HSPA6: variants seen among roughly 807,000 people sequenced by gnomAD.
HSPA6 encodes the protein heat shock 70 kDa protein 6.
For missense variants in HSPA6, 718 were observed against 860.9 expected (o/e 0.83, Z 2.08); for synonymous variants, 312 against 368.2 (o/e 0.85, Z 1.75).
At position 161,525,922 on chromosome 1, in the gene HSPA6, A is replaced by G. The variant is rs369670009; in HGVS notation, c.1264A>G (p.Ile422Val). Reference protein sequence around the residue: ...MTTLIQRNATIPTKQTQTFTT... With the variant: ...MTTLIQRNATVPTKQTQTFTT... ...CACGCTGATCCAGAGGAACGCCACT[A>G]TCCCCACCAAGCAGACCCAGACTTT... Residue 422 changes from isoleucine (I) to valine (V), a missense_variant, in exon 1 of 1, where the codon ATC (isoleucine) becomes GTC (valine). Physicochemically the swap from Ile to Val is conservative, Grantham distance 29. Transcript: ENST00000309758. 8 of 1,607,732 alleles carry G rather than the reference A, an allele frequency of 5.0e-6. No individual in the cohort carries two copies. Among genetic ancestry groups the G allele is most frequent in the Non-Finnish European group, 6.8e-6 (8 of 1,176,608 alleles).
chr1:161,526,544 G>A lies in HSPA6; in HGVS notation c.1886G>A (p.Arg629His), dbSNP rs52798304. The A allele has an allele frequency of 3.0e-5, 47 of 1,589,602 alleles. No homozygotes were observed. Among genetic ancestry groups the A allele is most frequent in the Middle Eastern group, 1.9e-4 (1 of 5,200 alleles). ...GGCAGCAGTTGTGGCACTCAAGCCC[G>A]CCAGGGGGACCCCAGCACCGGCCCC... ...PGGSSCGTQARQGDPSTGPII... is the reference protein window; with the variant it reads ...PGGSSCGTQAHQGDPSTGPII... Residue 629 changes from arginine to histidine, a missense_variant, in exon 1 of 1, where the codon CGC (arginine) becomes CAC (histidine). Physicochemically the swap from Arg to His is conservative, Grantham distance 29. Coordinates refer to ENST00000309758, the MANE Select transcript of HSPA6 (RefSeq NM_002155.5).
rs1269471726 is a variant in HSPA6, at chr1:161,525,696, C to G, written c.1038C>G (p.Pro346=). ...VVLVGGSTRI[P]KVQKLLQDFF... Reference sequence around the variant, plus strand: ...TGGTGGGGGGCTCCACACGCATCCCCAAGGTGCAGAAGTTGCTGCAGGACT... The same window carrying G: ...TGGTGGGGGGCTCCACACGCATCCCGAAGGTGCAGAAGTTGCTGCAGGACT... Residue 346 remains proline, a synonymous_variant, in exon 1 of 1, where the codon CCC becomes CCG. Coordinates refer to ENST00000309758, the MANE Select transcript of HSPA6 (RefSeq NM_002155.5). The G allele has an allele frequency of 8.1e-6, 13 of 1,613,614 alleles. No individual in the cohort carries two copies. The highest frequency in any genetic ancestry group is 1.1e-5 in the Non-Finnish European group (13 of 1,179,790).
At position 161,524,844 on chromosome 1, in the gene HSPA6, C is replaced by G. The variant is rs781596208; in HGVS notation, c.186C>G (p.Ala62=). Residue 62 remains alanine, a synonymous_variant, in exon 1 of 1, where the codon GCC becomes GCG. Transcript: ENST00000309758. ...LVGDAAKSQA[A]LNPHNTVFDA... ...GGGACGCGGCCAAGAGCCAGGCGGC[C>G]CTGAACCCCCACAACACCGTGTTCG... 14 of 1,610,510 alleles carry G rather than the reference C, an allele frequency of 8.7e-6. No homozygotes were observed. In the Admixed American group the frequency reaches 1.3e-4, roughly 15 times the overall value.
rs746621539 is a variant in HSPA6 at position 161,526,576 on chromosome 1, G to A, written c.1918G>A (p.Glu640Lys). The A allele has an allele frequency of 6.5e-7, 1 of 1,538,204 alleles. No individual in the cohort carries two copies. The highest frequency in any genetic ancestry group is 2.3e-5 in the East Asian group (1 of 44,228). The change falls in exon 1 of 1, where the codon GAG (glutamate) becomes AAG (lysine). Residue 640 changes from glutamate to lysine, a missense_variant. By Grantham distance (56) the Glu-to-Lys change is moderately conservative (BLOSUM62 1). Transcript: ENST00000309758. ...QGDPSTGPII[E>K]EVD Reference sequence around the variant, plus strand: ...GGACCCCAGCACCGGCCCCATCATTGAGGAGGTTGATTGAATGGCCCTTCG... The same window carrying A: ...GGACCCCAGCACCGGCCCCATCATTAAGGAGGTTGATTGAATGGCCCTTCG...
rs1368362011 is a variant in HSPA6 at position 161,525,515 on chromosome 1, T to C, written c.857T>C (p.Ile286Thr). 6.2e-7 allele frequency: 1 copy of C among 1,613,576 alleles called. No homozygotes were observed. Among genetic ancestry groups the C allele is most frequent in the Non-Finnish European group, 8.5e-7 (1 of 1,179,734 alleles). ...LSSSTQATLE[I>T]DSLFEGVDFY... ...TCCAGCACCCAGGCCACCCTGGAGATAGACTCCCTGTTCGAGGGCGTGGAC... is the reference window on the plus strand; with the variant it reads ...TCCAGCACCCAGGCCACCCTGGAGACAGACTCCCTGTTCGAGGGCGTGGAC... Residue 286 changes from isoleucine (I) to threonine (T), a missense_variant, in exon 1 of 1, where the codon ATA becomes ACA. Ile to Thr is a moderately conservative substitution (Grantham distance 89). Transcript: ENST00000309758.
chr1:161,524,984 A>G lies in HSPA6; in HGVS notation c.326A>G (p.Tyr109Cys), dbSNP rs1406989100. ...GGCAAGCCCAAGGTGCGCGTATGCT[A>G]CCGCGGGGAGGACAAGACGTTCTAC... ...EGGKPKVRVC[Y>C]RGEDKTFYPE... The change falls in exon 1 of 1, where the codon TAC becomes TGC. Residue 109 changes from tyrosine (Y) to cysteine (C), a missense_variant. Coordinates refer to ENST00000309758, the MANE Select transcript of HSPA6 (RefSeq NM_002155.5). 1.9e-6 allele frequency: 3 copies of G among 1,613,242 alleles called. No homozygotes were observed. The highest frequency in any genetic ancestry group is 2.5e-6 in the Non-Finnish European group (3 of 1,179,906).
chr1:161,526,113 T>C lies in HSPA6; in HGVS notation c.1455T>C (p.Asn485=). 2.5e-6 allele frequency: 4 copies of C among 1,613,796 alleles called. No homozygotes were observed. Among genetic ancestry groups the C allele is most frequent in the Non-Finnish European group, 3.4e-6 (4 of 1,179,860 alleles). ...AGGTGACTTTTGACATTGATGCTAA[T>C]GGCATCCTGAGCGTGACAGCCACTG... The part of the protein sequence containing the change: ...QIEVTFDIDA[N]GILSVTATDR... The change falls in exon 1 of 1, where the codon AAT becomes AAC. Residue 485 remains asparagine (N), a synonymous_variant. Transcript: ENST00000309758.
rs1165061458 is a variant in HSPA6, at chr1:161,525,352, G to A, written c.694G>A (p.Gly232Arg). ...CACTGCTGGAGATACCCACCTGGGAGGAGAGGACTTCGACAACCGGCTCGT... is the reference window on the plus strand; with the variant it reads ...CACTGCTGGAGATACCCACCTGGGAAGAGAGGACTTCGACAACCGGCTCGT... Reference protein sequence around the residue: ...KATAGDTHLGGEDFDNRLVNH... With the variant: ...KATAGDTHLGREDFDNRLVNH... Residue 232 changes from glycine to arginine, a missense_variant, in exon 1 of 1, where the codon GGA (glycine) becomes AGA (arginine). By Grantham distance (125) the Gly-to-Arg change is moderately radical. Transcript: ENST00000309758. The A allele has an allele frequency of 1.6e-5, 26 of 1,613,544 alleles. No homozygotes were observed. Among genetic ancestry groups the A allele is most frequent in the Non-Finnish European group, 2.2e-5 (26 of 1,179,790 alleles).
Position 161,524,997 on chromosome 1 carries a change from C to G in HSPA6, c.339C>G (p.Asp113Glu), listed in dbSNP as rs1676633714. The change falls in exon 1 of 1, where the codon GAC becomes GAG. Residue 113 changes from aspartate (D) to glutamate (E), a missense_variant. Physicochemically the swap from Asp to Glu is conservative, Grantham distance 45. Transcript: ENST00000309758. ...PKVRVCYRGEDKTFYPEEISS... is the reference protein window; with the variant it reads ...PKVRVCYRGEEKTFYPEEISS... The stretch of plus-strand genomic sequence containing the variant: ...TGCGCGTATGCTACCGCGGGGAGGA[C>G]AAGACGTTCTACCCCGAGGAGATCT... 6.2e-7 allele frequency: 1 copy of G among 1,613,236 alleles called. No homozygotes were observed. The highest frequency in any genetic ancestry group is 2.2e-5 in the East Asian group (1 of 44,846).
chr1:161,524,809 C>A lies in HSPA6; in HGVS notation c.151C>A (p.Arg51=), dbSNP rs1287894236. 13 of 1,596,720 alleles carry A rather than the reference C, an allele frequency of 8.1e-6. No homozygotes were observed. Among genetic ancestry groups the A allele is most frequent in the African/African-American group, 1.3e-5 (1 of 74,316 alleles). Reference sequence around the variant, plus strand: ...CTACGTGGCCTTCACCGACACCGAGCGGCTGGTCGGGGACGCGGCCAAGAG... The same window carrying A: ...CTACGTGGCCTTCACCGACACCGAGAGGCTGGTCGGGGACGCGGCCAAGAG... ...PSYVAFTDTE[R]LVGDAAKSQA... Residue 51 remains arginine, a synonymous_variant, in exon 1 of 1, where the codon CGG becomes AGG. Coordinates refer to ENST00000309758, the MANE Select transcript of HSPA6 (RefSeq NM_002155.5).
In HSPA6 at chr1:161,526,424, C is replaced by T. The variant is rs1048586271; in HGVS notation, c.1766C>T (p.Ala589Val). Residue 589 changes from alanine to valine, a missense_variant, in exon 1 of 1, where the codon GCA becomes GTA. Coordinates refer to ENST00000309758, the MANE Select transcript of HSPA6 (RefSeq NM_002155.5). ...VLAWLEHNQL[A>V]EKEEYEHQKR... is the part of the protein sequence containing the mutation. ...GCCTGGCTGGAGCACAACCAGCTGG[C>T]AGAGAAGGAGGAGTATGAGCATCAG... 1.9e-6 allele frequency: 3 copies of T among 1,588,186 alleles called. No homozygotes were observed. The African/African-American group carries it at 4.0e-5, about 21-fold the overall frequency.
Position 161,526,800 on chromosome 1 carries a change from G to A in HSPA6, c.*210G>A, listed in dbSNP as rs1676716368. 4 of 470,478 alleles carry A rather than the reference G, an allele frequency of 8.5e-6. No homozygotes were observed. Among genetic ancestry groups the A allele is most frequent in the Non-Finnish European group, 1.5e-5 (4 of 259,682 alleles). The allele number at this position is 470,478 out of a possible 1,614,324, so 29.1% of individuals were successfully genotyped here. ...AAAAGTCATTAATTTATTAAAACTTGTGTGGCACTTTAACATTGCTTTCAC... is the reference window on the plus strand; with the variant it reads ...AAAAGTCATTAATTTATTAAAACTTATGTGGCACTTTAACATTGCTTTCAC... On this transcript the variant is annotated 3_prime_UTR_variant, in exon 1 of 1. Transcript: ENST00000309758.
chr1:161,526,653 C>T lies in HSPA6; in HGVS notation c.*63C>T. On this transcript the variant is annotated 3_prime_UTR_variant, in exon 1 of 1. Transcript: ENST00000309758. The stretch of plus-strand genomic sequence containing the variant: ...CTATGCTATGGGCCTTCTAGACTGT[C>T]TTCTATGATCCTGCCCTTCAGAGAT... 2.1e-6 allele frequency: 3 copies of T among 1,401,404 alleles called. No individual in the cohort carries two copies. The highest frequency in any genetic ancestry group is 2.9e-6 in the Non-Finnish European group (3 of 1,042,206). 86.8% of individuals were successfully genotyped at this position (1,401,404 alleles called of 1,614,324 possible). A position where few individuals can be genotyped will look rare whatever the true frequency, so the allele number is the denominator to read the frequency against.
In HSPA6 at chr1:161,525,389, T is replaced by C; in HGVS notation, c.731T>C (p.Met244Thr). The C allele has an allele frequency of 6.2e-7, 1 of 1,611,744 alleles. No individual in the cohort carries two copies. Among genetic ancestry groups the C allele is most frequent in the East Asian group, 2.2e-5 (1 of 44,786 alleles). ...DFDNRLVNHF[M>T]EEFRRKHGKD... Reference sequence around the variant, plus strand: ...GACAACCGGCTCGTGAACCACTTCATGGAAGAATTCCGGCGGAAGCATGGG... The same window carrying C: ...GACAACCGGCTCGTGAACCACTTCACGGAAGAATTCCGGCGGAAGCATGGG... Residue 244 changes from methionine (M) to threonine (T), a missense_variant, in exon 1 of 1, where the codon ATG becomes ACG. Coordinates refer to ENST00000309758, the MANE Select transcript of HSPA6 (RefSeq NM_002155.5).
chr1:161,526,557 C>A lies in HSPA6; in HGVS notation c.1899C>A (p.Pro633=). The A allele has an allele frequency of 6.4e-7, 1 of 1,564,160 alleles. No homozygotes were observed. The highest frequency in any genetic ancestry group is 8.7e-7 in the Non-Finnish European group (1 of 1,154,848). ...SCGTQARQGD[P]STGPIIEEVD ...GCACTCAAGCCCGCCAGGGGGACCCCAGCACCGGCCCCATCATTGAGGAGG... is the reference window on the plus strand; with the variant it reads ...GCACTCAAGCCCGCCAGGGGGACCCAAGCACCGGCCCCATCATTGAGGAGG... The change falls in exon 1 of 1, where the codon CCC becomes CCA. Residue 633 remains proline, a synonymous_variant. Transcript: ENST00000309758.
Position 161,525,291 on chromosome 1 carries a change from T to A in HSPA6, c.633T>A (p.Val211=), listed in dbSNP as rs758093766. The stretch of plus-strand genomic sequence containing the variant: ...GTGGGGGCACCTTCGATGTGTCGGT[T>A]CTCTCCATTGACGCTGGTGTCTTTG... The part of the protein sequence containing the change: ...DLGGGTFDVS[V]LSIDAGVFEV... Residue 211 remains valine, a synonymous_variant, in exon 1 of 1, where the codon GTT becomes GTA. Coordinates refer to ENST00000309758, the MANE Select transcript of HSPA6 (RefSeq NM_002155.5). The A allele has an allele frequency of 1.9e-6, 3 of 1,613,932 alleles. No homozygotes were observed.
In HSPA6 at chr1:161,525,707, A is replaced by G. The variant is rs144853604; in HGVS notation, c.1049A>G (p.Lys350Arg). The change falls in exon 1 of 1, where the codon AAG becomes AGG. Residue 350 changes from lysine (K) to arginine (R), a missense_variant. Coordinates refer to ENST00000309758, the MANE Select transcript of HSPA6 (RefSeq NM_002155.5). ...TCCACACGCATCCCCAAGGTGCAGA[A>G]GTTGCTGCAGGACTTCTTCAACGGC... Reference protein sequence around the residue: ...GGSTRIPKVQKLLQDFFNGKE... With the variant: ...GGSTRIPKVQRLLQDFFNGKE... The G allele has an allele frequency of 5.9e-4, 950 of 1,613,346 alleles. 3 individuals are homozygous for G. Among genetic ancestry groups the G allele is most frequent in the Non-Finnish European group, 7.4e-4 (871 of 1,179,644 alleles).
rs200985857 is a variant in HSPA6 at position 161,525,730 on chromosome 1, G to A, written c.1072G>A (p.Gly358Ser). ...GAAGTTGCTGCAGGACTTCTTCAAC[G>A]GCAAGGAGCTGAACAAGAGCATCAA... Reference protein sequence around the residue: ...VQKLLQDFFNGKELNKSINPD... With the variant: ...VQKLLQDFFNSKELNKSINPD... The change falls in exon 1 of 1, where the codon GGC becomes AGC. Residue 358 changes from glycine (G) to serine (S), a missense_variant. Coordinates refer to ENST00000309758, the MANE Select transcript of HSPA6 (RefSeq NM_002155.5). The A allele has an allele frequency of 2.2e-5, 36 of 1,610,932 alleles. No homozygotes were observed. The highest frequency in any genetic ancestry group is 2.6e-5 in the Non-Finnish European group (31 of 1,178,534).
Position 161,525,528 on chromosome 1 carries a change from C to G in HSPA6, c.870C>G (p.Phe290Leu). The G allele has an allele frequency of 1.2e-6, 2 of 1,613,534 alleles. No individual in the cohort carries two copies. The highest frequency in any genetic ancestry group is 1.7e-6 in the Non-Finnish European group (2 of 1,179,720). Residue 290 changes from phenylalanine to leucine, a missense_variant, in exon 1 of 1, where the codon TTC (phenylalanine) becomes TTG (leucine). Physicochemically the swap from Phe to Leu is conservative, Grantham distance 22. Transcript: ENST00000309758. ...TQATLEIDSL[F>L]EGVDFYTSIT... ...CCACCCTGGAGATAGACTCCCTGTTCGAGGGCGTGGACTTCTACACGTCCA... is the reference window on the plus strand; with the variant it reads ...CCACCCTGGAGATAGACTCCCTGTTGGAGGGCGTGGACTTCTACACGTCCA...
Sources: allele counts gnomAD v4.1 joint callset, GRCh38; gene constraint gnomAD v4.1.1; transcripts MANE v1.5; gene names NCBI Gene and HGNC (gene_info 2026-07-23, HGNC 2026-07-21).